The following BLOC1S3 variants were observed in gnomAD, a reference collection of about 807,000 sequenced individuals.
The protein encoded by BLOC1S3 is biogenesis of lysosome-related organelles complex 1 subunit 3.
In BLOC1S3, 7 loss-of-function variants were observed where a neutral mutation model predicts 9.1. That is an observed-to-expected ratio of 0.77 (90% CI 0.44 to 1.45). The LOEUF (loss-of-function observed/expected upper bound fraction) is 1.45, where lower values mean the gene tolerates loss of function less well. Ranked by LOEUF, BLOC1S3 falls within the 40% of genes most tolerant of loss-of-function variation. BLOC1S3 has a pLI of 0.01. For missense variants in BLOC1S3, 307 were observed against 315.2 expected, an observed-to-expected ratio of 0.97 and a Z score of 0.20; for synonymous variants, 145 against 158.4, an observed-to-expected ratio of 0.92 and a Z score of 0.64.
intron 3 of BLOC1S3, among the ~76,000 whole-genome samples, chr19:45,212,173 C>T (rs1195721045): frequency 6.6e-6 from 1 of 152,220 alleles, no homozygotes; most frequent in Non-Finnish European, 1.5e-5. Flanking sequence ...GTGGCGAAGG[C>T]CTGGCCTCAG....
At chr19:45,213,993 C>G (rs1471431854) in intron 3 of BLOC1S3, among the ~76,000 whole-genome samples, 1 of 151,802 alleles carries the variant, frequency 6.6e-6, no homozygotes, top group African/African-American at 2.4e-5. Flanking sequence ...CCCCACTCCC[C>G]CTAAATCCTC....
chr19:45,211,519 A>AG (rs1002926080), intron 3 of BLOC1S3, among the ~76,000 whole-genome samples: 3 of 151,774 alleles, frequency 2.0e-5, no homozygotes, highest in Non-Finnish European at 2.9e-5. Context: ...TGAAAAAAAA[A>AG]AAAAAAAGAA....
At chr19:45,192,156 A>G (rs867277724) in intron 2 of BLOC1S3, among the ~76,000 whole-genome samples, 32 of 150,892 alleles carry the variant, frequency 2.1e-4, no homozygotes, top group African/African-American at 7.8e-4. Flanking sequence ...AATCTTCCCC[A>G]CTCTTTTTTC....
At chr19:45,190,826 G>GTTATGTTATTTTATTTTATGTT (rs1969601646) in intron 2 of BLOC1S3, among the ~76,000 whole-genome samples, 1 of 50,792 alleles carries the variant, frequency 2.0e-5, no homozygotes, top group African/African-American at 1.1e-4. Flanking sequence ...TATTTTTTGA[G>GTTATGTTATTTTATTTTATGTT]AGAGAGTCTT....
At chr19:45,213,106 C>A in intron 3 of BLOC1S3, 1 of 1,536,766 alleles carries the variant, frequency 6.5e-7, no homozygotes, top group Non-Finnish European at 8.7e-7. Context: ...AGACGGAGGC[C>A]GGGGCCGAGG....
In BLOC1S3 at chr19:45,179,467, T is replaced by A. The variant is rs953269617; in HGVS notation, c.171T>A (p.Ala57=). 1.3e-5 allele frequency: 20 copies of A among 1,523,660 alleles called. No homozygotes were observed. The Admixed American group carries it at 3.2e-4, about 24-fold the overall frequency. 94.4% of individuals were successfully genotyped at this position (1,523,660 alleles called of 1,614,324 possible). Residue 57 remains alanine (A), a synonymous_variant, in exon 2 of 2, where the codon GCT becomes GCA. Coordinates refer to ENST00000433642, the MANE Select transcript of BLOC1S3 (RefSeq NM_212550.5). This position sits in a 1 kb window ranked among gnomAD's most constrained non-coding sequence, Gnocchi z 4.6. ...GCCGCCCCACGGGGCTGCGGGTGGCTGGGGAAGCCGCGGAGACCGACTCGG... is the reference window on the plus strand; with the variant it reads ...GCCGCCCCACGGGGCTGCGGGTGGCAGGGGAAGCCGCGGAGACCGACTCGG... The part of the protein sequence containing the change: ...TRGRPTGLRV[A]GEAAETDSEP...
intron 2 of BLOC1S3, among the ~76,000 whole-genome samples, chr19:45,197,265 T>A (rs1358997249): frequency 2.6e-5 from 4 of 151,700 alleles, no homozygotes. Flanking sequence ...GTGGGAAGAT[T>A]TGCTAGAGCT....
At position 45,179,821 on chromosome 19, in the gene BLOC1S3, C is replaced by T. The variant is rs747574573; in HGVS notation, c.525C>T (p.Asp175=). 1 of 1,608,416 alleles carries T rather than the reference C, an allele frequency of 6.2e-7. No homozygotes were observed. Among genetic ancestry groups the T allele is most frequent in the South Asian group, 1.1e-5 (1 of 90,936 alleles). The change falls in exon 2 of 2, where the codon GAC becomes GAT. Residue 175 remains aspartate (D), a synonymous_variant. Transcript: ENST00000433642. The surrounding 1 kb of genome is among the most constrained non-coding windows in gnomAD (Gnocchi z 4.6). The part of the protein sequence containing the change: ...GDLCALAERL[D]IVAGCRLLPD... ...TTTGTGCGCTGGCCGAGCGTCTGGA[C>T]ATCGTGGCTGGCTGCCGCCTGCTGC...
intron 3 of BLOC1S3, among the ~76,000 whole-genome samples, chr19:45,204,748 C>T (rs1422652425): frequency 1.3e-5 from 2 of 151,214 alleles, no homozygotes; most frequent in African/African-American, 4.9e-5. Context: ...TTTTTTTTTC[C>T]CCAGATGGAA....
chr19:45,179,861 G>A lies in BLOC1S3; in HGVS notation c.565G>A (p.Val189Met). The change falls in exon 2 of 2, where the codon GTG (valine) becomes ATG (methionine). Residue 189 changes from valine to methionine, a missense_variant. Coordinates refer to ENST00000433642, the MANE Select transcript of BLOC1S3 (RefSeq NM_212550.5). The surrounding 1 kb of genome is among the most constrained non-coding windows in gnomAD (Gnocchi z 4.6). Reference protein sequence around the residue: ...GCRLLPDIRGVPGTEPEKDPG... With the variant: ...GCRLLPDIRGMPGTEPEKDPG... ...CCGCCTGCTGCCGGACATCCGCGGC[G>A]TGCCAGGGACCGAGCCTGAGAAAGA... is the stretch of plus-strand genomic sequence containing the variant. 1 of 1,609,754 alleles carries A rather than the reference G, an allele frequency of 6.2e-7. No individual in the cohort carries two copies. Among genetic ancestry groups the A allele is most frequent in the Non-Finnish European group, 8.5e-7 (1 of 1,178,688 alleles).
chr19:45,213,152 G>C lies in BLOC1S3; in HGVS notation n.283-3524G>C, dbSNP rs376415591. 61 of 1,590,206 alleles carry C rather than the reference G, an allele frequency of 3.8e-5. 1 individual carries two copies. The African/African-American group carries it at 5.5e-4, about 14-fold the overall frequency. Reference sequence around the variant, plus strand: ...AAACTGGGCCTGGCCAGCCGGGAGAGGGGGAGGCGGCCCAGGAAGAGAGGG... The same window carrying C: ...AAACTGGGCCTGGCCAGCCGGGAGACGGGGAGGCGGCCCAGGAAGAGAGGG... On this transcript the variant is annotated intron_variant and non_coding_transcript_variant, in intron 3 of 3. Coordinates refer to the BLOC1S3 transcript ENST00000591569.
In BLOC1S3 at chr19:45,180,377, G is replaced by A. The variant is rs924230500; in HGVS notation, c.*472G>A. On this transcript the variant is annotated 3_prime_UTR_variant, in exon 2 of 2. Transcript: ENST00000433642. The stretch of plus-strand genomic sequence containing the variant: ...CCCAGCTCAGCCTTCAAGAGTAGCT[G>A]GGACTGCAGACCTGCACCACCACGT... 3 of 153,538 alleles carry A rather than the reference G, an allele frequency of 2.0e-5. No individual in the cohort carries two copies. The highest frequency in any genetic ancestry group is 4.4e-5 in the Non-Finnish European group (3 of 68,926). 9.5% of individuals were successfully genotyped at this position (153,538 alleles called of 1,614,324 possible).
chr19:45,210,551 G>A (rs917766286), intron 3 of BLOC1S3, among the ~76,000 whole-genome samples: 6 of 151,152 alleles, frequency 4.0e-5, no homozygotes, highest in South Asian at 2.1e-4. Context: ...CGCCCACCTC[G>A]GCCTCCCAAA....
chr19:45,184,903 C>CAAAAAA (rs71338752), downstream of BLOC1S3, among the ~76,000 whole-genome samples: 353 of 48,266 alleles, frequency 7.3e-3, 35 homozygotes, highest in African/African-American at 0.024. Context: ...CTGTCTCAAA[C>CAAAAAA]AAAAAAAAAA....
chr19:45,208,436 G>C (rs980374158), intron 3 of BLOC1S3, among the ~76,000 whole-genome samples: 1 of 151,442 alleles, frequency 6.6e-6, no homozygotes, highest in Admixed American at 6.6e-5. Flanking sequence ...GCAAAACGCT[G>C]TCTCTGCTAA....
chr19:45,208,338 C>T (rs1329361926), intron 3 of BLOC1S3, among the ~76,000 whole-genome samples: 1 of 152,038 alleles, frequency 6.6e-6, no homozygotes, highest in Admixed American at 6.6e-5. Flanking sequence ...CAGGTGCCAT[C>T]GCTCATACCT....
intron 2 of BLOC1S3, among the ~76,000 whole-genome samples, chr19:45,189,504 C>T (rs1285855094): frequency 6.6e-6 from 1 of 151,048 alleles, no homozygotes; most frequent in Non-Finnish European, 1.5e-5. Flanking sequence ...GCGATCTCAC[C>T]TCACCACAAC....
downstream of BLOC1S3, among the ~76,000 whole-genome samples, chr19:45,184,584 C>A (rs1292748846): frequency 2.0e-5 from 3 of 152,008 alleles, no homozygotes; most frequent in South Asian, 2.1e-4. Flanking sequence ...CGAGCCTGGG[C>A]AACAGAGTGA....
chr19:45,212,969 G>A (rs1194068013), intron 3 of BLOC1S3: 3 of 1,289,972 alleles, frequency 2.3e-6, no homozygotes, highest in African/African-American at 1.5e-5. Context: ...CTATCCCAGG[G>A]GTGTGTGGTC....
Sources: allele counts gnomAD v4.1 joint callset (sites outside exome capture counted in the v4.1 genomes callset), GRCh38; gene constraint gnomAD v4.1.1; non-coding constraint Gnocchi (gnomAD v3.1); transcripts MANE v1.5; gene names NCBI Gene and HGNC (gene_info 2026-07-23, HGNC 2026-07-21).